Variants in NEK5 observed in about 807,000 individuals in gnomAD.
NEK5 encodes the protein serine/threonine-protein kinase Nek5.
NEK5 carries 88 observed loss-of-function variants against 109.2 expected under a neutral mutation model. The ratio of observed to expected loss-of-function variants is 0.81; its 90% confidence interval spans 0.68 to 0.96. NEK5 has a LOEUF of 0.96. Ranked by LOEUF, NEK5 falls within the 40% of genes least tolerant of loss-of-function variation. The pLI is 0.00. For synonymous variants in NEK5, 283 were observed against 299.9 expected, an observed-to-expected ratio of 0.94 and a Z score of 0.58; for missense variants, 834 against 920.7, an observed-to-expected ratio of 0.91 and a Z score of 1.22.
chr13:52,077,469 G>T (rs1024202075), intron 17 of NEK5, among the ~76,000 whole-genome samples: 5 of 152,218 alleles, frequency 3.3e-5, no homozygotes, highest in African/African-American at 1.2e-4. Context: ...ATGGTGCGGG[G>T]ATGGGGAACT....
chr13:52,058,916 C>T (rs2137727187), intron 22 of NEK5, among the ~76,000 whole-genome samples: 1 of 150,374 alleles, frequency 6.7e-6, no homozygotes, highest in African/African-American at 2.4e-5. Context: ...GTCTAAAACA[C>T]CAAAAGCAAT....
intron 23 of NEK5, among the ~76,000 whole-genome samples, chr13:52,041,728 CAAAAAAAAAAAAAAA>C (rs60216367): frequency 1.7e-3 from 82 of 48,132 alleles, no homozygotes; most frequent in African/African-American, 7.0e-3. Context: ...AACTCTGTCT[CAAAAAAAAAAAAAAA>C]AAAAAAAAAA....
chr13:52,100,398 A>C (rs1359544508), intron 11 of NEK5, among the ~76,000 whole-genome samples: 1 of 152,162 alleles, frequency 6.6e-6, no homozygotes, highest in African/African-American at 2.4e-5. Flanking sequence ...AGGAGCTGGG[A>C]TTACAGGCAT....
At chr13:52,114,159 C>A (rs933340893) in intron 4 of NEK5, among the ~76,000 whole-genome samples, 1 of 152,160 alleles carries the variant, frequency 6.6e-6, no homozygotes, top group Non-Finnish European at 1.5e-5. Context: ...GTCTACACTT[C>A]ATTCTTTTGT....
chr13:52,116,506 T>C (rs1261952300), intron 4 of NEK5, among the ~76,000 whole-genome samples: 1 of 152,076 alleles, frequency 6.6e-6, no homozygotes, highest in African/African-American at 2.4e-5. Context: ...TGCAAGTAAA[T>C]GAAATCTATA....
intron 23 of NEK5, among the ~76,000 whole-genome samples, chr13:52,038,822 T>C (rs1296114320): frequency 2.3e-5 from 1 of 44,414 alleles, no homozygotes; most frequent in Non-Finnish European, 6.9e-5. Flanking sequence ...AAGACACTCA[T>C]CTGAAAAAAA....
intron 22 of NEK5, among the ~76,000 whole-genome samples, chr13:52,052,126 C>T (rs1954511238): frequency 6.7e-6 from 1 of 150,128 alleles, no homozygotes; most frequent in Admixed American, 6.6e-5. Context: ...CAAGTCGCCC[C>T]TCTTTTCTGG....
In NEK5 at chr13:52,034,982, A is replaced by G. The variant is rs964258263; in HGVS notation, c.*1966T>C. ...CCCTTGCTTTCAAATACAGTTCAGAATAAGGATTACATGAAGTCACTAGCA... is the reference window on the plus strand; with the variant it reads ...CCCTTGCTTTCAAATACAGTTCAGAGTAAGGATTACATGAAGTCACTAGCA... On this transcript the variant is annotated 3_prime_UTR_variant, in exon 24 of 24. Coordinates refer to ENST00000684899, the MANE Select transcript of NEK5 (RefSeq NM_001365552.1). The G allele has an allele frequency of 6.6e-6, 1 of 151,014 alleles. No individual in the cohort carries two copies. Among genetic ancestry groups the G allele is most frequent in the Non-Finnish European group, 1.5e-5 (1 of 67,868 alleles). The allele number at this position is 151,014 out of a possible 1,614,324, so 9.4% of individuals were successfully genotyped here.
chr13:52,040,209 CAAG>C (rs1954402004), intron 23 of NEK5, among the ~76,000 whole-genome samples: 1 of 151,792 alleles, frequency 6.6e-6, no homozygotes, highest in Non-Finnish European at 1.5e-5. Context: ...CTCTACCTCC[CAAG>C]TAGCTGGGAT....
chr13:52,066,681 G>A (rs1954695952), intron 20 of NEK5, among the ~76,000 whole-genome samples: 2 of 151,850 alleles, frequency 1.3e-5, no homozygotes, highest in South Asian at 4.2e-4. Flanking sequence ...GCGGGTGCCT[G>A]TAGTCCCAGC....
At chr13:52,055,380 A>T (rs1171148100) in intron 22 of NEK5, among the ~76,000 whole-genome samples, 1 of 152,206 alleles carries the variant, frequency 6.6e-6, no homozygotes, top group African/African-American at 2.4e-5. Context: ...ACTCTGCAGG[A>T]TATTATCCAG....
At chr13:52,055,775 C>T (rs1390762879) in intron 22 of NEK5, among the ~76,000 whole-genome samples, 1 of 151,962 alleles carries the variant, frequency 6.6e-6, no homozygotes, top group Admixed American at 6.6e-5. Context: ...ACCGGCCTGC[C>T]CTACAAGAGC....
intron 4 of NEK5, among the ~76,000 whole-genome samples, chr13:52,115,174 C>T (rs1255989192): frequency 3.3e-5 from 5 of 151,862 alleles, no homozygotes; most frequent in African/African-American, 9.7e-5. Context: ...CCACCATGCC[C>T]GGCTAATTTT....
In NEK5 at chr13:52,108,332, G is replaced by C; in HGVS notation, c.540C>G (p.Pro180=). 6.2e-7 allele frequency: 1 copy of C among 1,608,296 alleles called. No individual in the cohort carries two copies. Among genetic ancestry groups the C allele is most frequent in the Admixed American group, 1.7e-5 (1 of 59,788 alleles). ...YLSPEICQNK[P]YNNKTDIWSL... ...CAGCAACTTACGTTTTATTGTTGTA[G>C]GGTTTATTCTGACAGATCTCTGGGG... is the stretch of plus-strand genomic sequence containing the variant. The change falls in exon 8 of 24, where the codon CCC becomes CCG. Residue 180 remains proline (P), a synonymous_variant. Coordinates refer to ENST00000684899, the MANE Select transcript of NEK5 (RefSeq NM_001365552.1).
chr13:52,098,073 G>A lies in NEK5; in HGVS notation c.1026+1670C>T, dbSNP rs184850600. ...TCTGCCATGATTATAAGTTTCCTGC[G>A]GCCTCCCCAGCAATGCATCCTGTAC... On this transcript the variant is annotated intron_variant, in intron 12 of 23. Transcript: ENST00000684899. 6.6e-5 allele frequency among the ~76,000 whole-genome samples: 10 copies of A among 152,012 alleles called. No individual in the cohort carries two copies. In the East Asian group the frequency reaches 1.4e-3, roughly 21 times the overall value.
intron 17 of NEK5, among the ~76,000 whole-genome samples, chr13:52,080,303 T>TC (rs1415444645): frequency 6.8e-6 from 1 of 146,600 alleles, no homozygotes; most frequent in Non-Finnish European, 1.5e-5. Context: ...AGCCGCCTCG[T>TC]CCGGGAGGTG....
chr13:52,063,957 A>G (rs1316106993), intron 21 of NEK5, among the ~76,000 whole-genome samples: 4 of 139,914 alleles, frequency 2.9e-5, no homozygotes, highest in South Asian at 4.8e-4. Context: ...TGGGGGGGTC[A>G]GCCCCCCGCC....
rs762594644 is a variant in NEK5 at position 52,065,545 on chromosome 13, C to G, written c.1914G>C (p.Gln638His). 29 of 1,613,946 alleles carry G rather than the reference C, an allele frequency of 1.8e-5. No individual in the cohort carries two copies. The highest frequency in any genetic ancestry group is 3.3e-4 in the Middle Eastern group (2 of 6,084). ...CCACTGCCATCATCTGCAGCAGAGT[C>G]TGAGGCGCTCCTCCATCCCACTGCC... The part of the protein sequence containing the change: ...NRRQWDGGAP[Q>H]TLLQMMAVAD... The change falls in exon 21 of 24, where the codon CAG becomes CAC. Residue 638 changes from glutamine (Q) to histidine (H), a missense_variant. Around this residue, in one of 2 missense-constraint regions of NEK5, gnomAD observed 777 missense variants for 824.7 expected, o/e 0.94. Coordinates refer to ENST00000684899, the MANE Select transcript of NEK5 (RefSeq NM_001365552.1).
intron 23 of NEK5, among the ~76,000 whole-genome samples, chr13:52,046,236 G>T (rs997082454): frequency 6.6e-6 from 1 of 150,586 alleles, no homozygotes; most frequent in African/African-American, 2.4e-5. Context: ...TAACCCCTTG[G>T]GGGGCCAAGG....
Sources: gnomAD v4.1 joint callset for allele counts (sites outside exome capture counted in the v4.1 genomes callset) on GRCh38, gnomAD v4.1.1 for gene constraint, gnomAD v4.1.1 regional missense constraint, MANE v1.5 for transcripts, NCBI Gene and HGNC (gene_info 2026-07-23, HGNC 2026-07-21) for gene names.